The following TIMM9 variants were observed in gnomAD, a reference collection of about 807,000 sequenced individuals.
TIMM9 encodes translocase of inner mitochondrial membrane 9, also known as mitochondrial import inner membrane translocase subunit Tim9.
TIMM9 carries 10 observed loss-of-function variants against 13.4 expected under a neutral mutation model. The observed-to-expected ratio is 0.75, with a 90% CI of 0.46 to 1.26. The LOEUF is 1.26. Ranked by LOEUF, TIMM9 falls within the 50% of genes most tolerant of loss-of-function variation. The pLI is 0.00. For synonymous variants in TIMM9, 32 were observed against 32.1 expected (o/e 1.00, Z 0.01); for missense variants, 87 against 100.8 (o/e 0.86, Z 0.58).
rs746993654 is a variant in TIMM9 at position 58,410,956 on chromosome 14, T to C, written c.40-18A>G. 3 of 1,561,144 alleles carry C rather than the reference T, an allele frequency of 1.9e-6. No individual in the cohort carries two copies. In the African/African-American group the frequency reaches 4.1e-5, roughly 21 times the overall value. ...TCCTTAAACTACAAACAAACCAGAA[T>C]GTTCTTTAGTATTTGGTTTTTAAAA... is the stretch of plus-strand genomic sequence containing the variant. On this transcript the variant is annotated intron_variant, in intron 4 of 5. Coordinates refer to ENST00000395159, the MANE Select transcript of TIMM9 (RefSeq NM_012460.4).
In TIMM9 at chr14:58,410,953, G is replaced by T; in HGVS notation, c.40-15C>A. On this transcript the variant is annotated splice_polypyrimidine_tract_variant and intron_variant, in intron 4 of 5. Coordinates refer to ENST00000395159, the MANE Select transcript of TIMM9 (RefSeq NM_012460.4). The stretch of plus-strand genomic sequence containing the variant: ...AATTCCTTAAACTACAAACAAACCA[G>T]AATGTTCTTTAGTATTTGGTTTTTA... 6.3e-7 allele frequency: 1 copy of T among 1,575,856 alleles called. No homozygotes were observed. The highest frequency in any genetic ancestry group is 8.7e-7 in the Non-Finnish European group (1 of 1,154,874).
chr14:58,424,558 C>A (rs1163151158), intron 2 of TIMM9, among the ~76,000 whole-genome samples: 1 of 152,162 alleles, frequency 6.6e-6, no homozygotes, highest in Non-Finnish European at 1.5e-5. Context: ...AAAATATTTT[C>A]CAAATAGCCA....
In TIMM9 at chr14:58,408,895, T is replaced by C. The variant is rs1283114234; in HGVS notation, c.*139A>G. ...AATAGCAATTTTGTTTCTCCAGCGG[T>C]TTCCATTTGCCAAACAGTCATGACA... On this transcript the variant is annotated 3_prime_UTR_variant, in exon 6 of 6. Coordinates refer to ENST00000395159, the MANE Select transcript of TIMM9 (RefSeq NM_012460.4). The C allele has an allele frequency of 3.1e-6, 4 of 1,287,458 alleles. No individual in the cohort carries two copies. Among genetic ancestry groups the C allele is most frequent in the Non-Finnish European group, 4.2e-6 (4 of 946,060 alleles). The allele number at this position is 1,287,458 out of a possible 1,614,324, so 79.8% of individuals were successfully genotyped here.
At chr14:58,415,784 G>A (rs1462591190) in intron 3 of TIMM9, among the ~76,000 whole-genome samples, 1 of 152,096 alleles carries the variant, frequency 6.6e-6, no homozygotes, top group Non-Finnish European at 1.5e-5. Flanking sequence ...GGTAGTAAAA[G>A]TAGTGGAAGA....
intron 3 of TIMM9, among the ~76,000 whole-genome samples, chr14:58,421,536 G>T (rs2036588235): frequency 6.6e-6 from 1 of 152,118 alleles, no homozygotes. Flanking sequence ...TGTGTTAATT[G>T]TTGGAAGTGT....
chr14:58,427,373 T>C lies in TIMM9; in HGVS notation c.-304+19A>G, dbSNP rs149676205. 1.3e-5 allele frequency: 6 copies of C among 457,620 alleles called. No homozygotes were observed. The highest frequency in any genetic ancestry group is 2.4e-5 in the Non-Finnish European group (6 of 252,758). The allele number at this position is 457,620 out of a possible 1,614,324, so 28.3% of individuals were successfully genotyped here. A position where few individuals can be genotyped will look rare whatever the true frequency, so the allele number is the denominator to read the frequency against. ...ATAATGACCCGAATCTGTCGAAACT[T>C]CTTGGAAGCCTAATTTACCTAATCC... On this transcript the variant is annotated intron_variant, in intron 1 of 5. Coordinates refer to ENST00000395159, the MANE Select transcript of TIMM9 (RefSeq NM_012460.4).
chr14:58,425,269 G>C (rs2140346899), intron 2 of TIMM9, among the ~76,000 whole-genome samples: 1 of 152,138 alleles, frequency 6.6e-6, no homozygotes, highest in Middle Eastern at 3.4e-3. Flanking sequence ...AAATTATCTG[G>C]GCAGAGTGGC....
intron 3 of TIMM9, among the ~76,000 whole-genome samples, chr14:58,423,599 TAAATCAATG>T (rs371466209): frequency 4.8e-4 from 73 of 150,978 alleles, no homozygotes; most frequent in African/African-American, 1.8e-3. Flanking sequence ...GATGACTGAG[TAAATCAATG>T]ATTTTCAGAG....
Position 58,427,419 on chromosome 14 carries a change from G to T in TIMM9, c.-331C>A, listed in dbSNP as rs1011591692. 5.0e-6 allele frequency: 3 copies of T among 599,494 alleles called. No homozygotes were observed. The highest frequency in any genetic ancestry group is 3.1e-5 in the Admixed American group (1 of 32,692). 37.1% of individuals were successfully genotyped at this position (599,494 alleles called of 1,614,324 possible). On this transcript the variant is annotated 5_prime_UTR_variant, in exon 1 of 6. Transcript: ENST00000395159. Reference sequence around the variant, plus strand: ...AATCCCACGTCCCTAACGGTCTTCGGAAGCGAAGCAGTGTCAACAGTCCCT... The same window carrying T: ...AATCCCACGTCCCTAACGGTCTTCGTAAGCGAAGCAGTGTCAACAGTCCCT...
At chr14:58,418,549 CA>C (rs1253665692) in intron 3 of TIMM9, among the ~76,000 whole-genome samples, 2 of 152,002 alleles carry the variant, frequency 1.3e-5, no homozygotes, top group Non-Finnish European at 2.9e-5. Flanking sequence ...TATGAACATG[CA>C]AAATCGAAAG....
chr14:58,413,067 C>A (rs1163838226), intron 3 of TIMM9, among the ~76,000 whole-genome samples: 1 of 152,084 alleles, frequency 6.6e-6, no homozygotes, highest in Non-Finnish European at 1.5e-5. Flanking sequence ...AAGATTTTAA[C>A]ATTTCAACAT....
chr14:58,409,299 T>A, intron 5 of TIMM9, 131 bp from the exon 6 acceptor site: 1 of 951,564 alleles, frequency 1.1e-6, no homozygotes, highest in Non-Finnish European at 1.5e-6. Flanking sequence ...TAGTACTAAT[T>A]GGCAGCAACT....
chr14:58,414,580 A>G (rs575499440), intron 3 of TIMM9, among the ~76,000 whole-genome samples: 26 of 151,894 alleles, frequency 1.7e-4, no homozygotes, highest in African/African-American at 6.3e-4. Flanking sequence ...TCTACTGAAA[A>G]TACAAAAATT....
chr14:58,411,535 C>T (rs1455224201), intron 4 of TIMM9, among the ~76,000 whole-genome samples: 1 of 151,780 alleles, frequency 6.6e-6, no homozygotes, highest in Non-Finnish European at 1.5e-5. Context: ...TTTTGTGAAA[C>T]CACTGACATG....
At position 58,422,034 on chromosome 14, in the gene TIMM9, T is replaced by C. The variant is rs942237877; in HGVS notation, c.-27+1974A>G. On this transcript the variant is annotated intron_variant, in intron 3 of 5. Coordinates refer to ENST00000395159, the MANE Select transcript of TIMM9 (RefSeq NM_012460.4). Reference sequence around the variant, plus strand: ...TGTTCTTTTTTTTTTTTTTTTTAATTCCATCCTTGTATTTCTTTGGGTTAA... The same window carrying C: ...TGTTCTTTTTTTTTTTTTTTTTAATCCCATCCTTGTATTTCTTTGGGTTAA... Among the ~76,000 whole-genome samples, 6 of 151,212 alleles carry C rather than the reference T, an allele frequency of 4.0e-5. No homozygotes were observed. The South Asian group carries it at 1.3e-3, about 32-fold the overall frequency.
intron 4 of TIMM9, 88 bp from the exon 5 acceptor site, chr14:58,411,026 C>G: frequency 3.5e-6 from 3 of 849,318 alleles, no homozygotes; most frequent in Non-Finnish European, 3.9e-6. Context: ...TATATTTAGA[C>G]AAAATATACT....
At chr14:58,413,806 G>GA (rs1235998254) in intron 3 of TIMM9, among the ~76,000 whole-genome samples, 1 of 151,710 alleles carries the variant, frequency 6.6e-6, no homozygotes. Flanking sequence ...AGGAGATCGA[G>GA]ACCATCCTGG....
chr14:58,411,896 G>C lies in TIMM9; in HGVS notation c.39+11C>G. The C allele has an allele frequency of 6.2e-7, 1 of 1,613,424 alleles. No homozygotes were observed. The highest frequency in any genetic ancestry group is 8.5e-7 in the Non-Finnish European group (1 of 1,179,500). ...TTGCAAAATCTTTTCCCCTTAATTA[G>C]AATACCTTACCTGTTTTATCTGATC... On this transcript the variant is annotated intron_variant, in intron 4 of 5. Transcript: ENST00000395159.
chr14:58,424,627 GGAGGCT>G (rs2036681590), intron 2 of TIMM9, among the ~76,000 whole-genome samples: 1 of 152,166 alleles, frequency 6.6e-6, no homozygotes, highest in Admixed American at 6.5e-5. Context: ...CAGCATTTTG[GGAGGCT>G]GAGGTGGGTG....
Sources: gnomAD v4.1 joint callset for allele counts (sites outside exome capture counted in the v4.1 genomes callset) on GRCh38, gnomAD v4.1.1 for gene constraint, MANE v1.5 for transcripts, NCBI Gene and HGNC (gene_info 2026-07-23, HGNC 2026-07-21) for gene names.